IQCH: variants seen among roughly 807,000 people sequenced by gnomAD.
IQCH encodes IQ domain-containing protein H.
Under a neutral mutation model 117.0 loss-of-function variants are expected in IQCH, and 98 were observed. That is an observed-to-expected ratio of 0.84 (90% CI 0.71 to 0.99). The LOEUF (loss-of-function observed/expected upper bound fraction) is 0.99. Ranked by LOEUF, IQCH falls within the 50% of genes least tolerant of loss-of-function variation. The probability of loss-of-function intolerance (pLI) is 0.00; values close to 1 mark genes in which losing one functional copy is unlikely to be tolerated. For missense variants in IQCH, 1,102 were observed against 1,243.8 expected, an observed-to-expected ratio of 0.89 and a Z score of 1.72; for synonymous variants, 412 against 448.2, an observed-to-expected ratio of 0.92 and a Z score of 1.02.
At chr15:67,316,412 C>A (rs1047568605) in intron 4 of IQCH, among the ~76,000 whole-genome samples, 1 of 152,164 alleles carries the variant, frequency 6.6e-6, no homozygotes, top group Non-Finnish European at 1.5e-5. Context: ...GGAATTATGT[C>A]ATCTAATTTA....
intron 16 of IQCH, among the ~76,000 whole-genome samples, chr15:67,451,366 T>C (rs1056055336): frequency 6.6e-6 from 1 of 152,110 alleles, no homozygotes; most frequent in Non-Finnish European, 1.5e-5. Context: ...CATTTAGTGC[T>C]ATAAATTTCC....
chr15:67,480,683 G>A (rs796070700), intron 18 of IQCH, among the ~76,000 whole-genome samples: 10 of 152,104 alleles, frequency 6.6e-5, no homozygotes, highest in Admixed American at 2.6e-4. Context: ...AACTATTAAC[G>A]GAAAGCAGAA....
rs1971953165 is a variant in IQCH at position 67,407,449 on chromosome 15, C to G, written c.2097+7144C>G. 6.6e-6 allele frequency: 1 copy of G among 152,142 alleles called. No homozygotes were observed. Among genetic ancestry groups the G allele is most frequent in the Admixed American group, 6.5e-5 (1 of 15,276 alleles). 9.4% of individuals were successfully genotyped at this position (152,142 alleles called of 1,614,324 possible). ...CAGTTCAGTGGTTATTTTCATGAAGCTGCCAGGGTTGAGTTTGAGGTGTTT... is the reference window on the plus strand; with the variant it reads ...CAGTTCAGTGGTTATTTTCATGAAGGTGCCAGGGTTGAGTTTGAGGTGTTT... On this transcript the variant is annotated intron_variant, in intron 14 of 20. Transcript: ENST00000335894. The surrounding 1 kb of genome is among the most constrained non-coding windows in gnomAD (Gnocchi z 5.3).
chr15:67,278,678 C>A lies in IQCH; in HGVS notation c.270-717C>A, dbSNP rs1349128181. ...ACATGTTGGAGTGAAACTAGAACTC[C>A]GTAAGTTGCTTTTTAATGATAATTT... On this transcript the variant is annotated intron_variant, in intron 3 of 20. Transcript: ENST00000335894. 2.6e-5 allele frequency among the ~76,000 whole-genome samples: 4 copies of A among 152,228 alleles called. No homozygotes were observed. In the East Asian group the frequency reaches 7.7e-4, roughly 29 times the overall value.
rs1369139709 is a variant in IQCH at position 67,359,811 on chromosome 15, G to C, written c.715-36G>C. On this transcript the variant is annotated intron_variant, in intron 7 of 20. Coordinates refer to ENST00000335894, the MANE Select transcript of IQCH (RefSeq NM_001031715.3). This position sits in a 1 kb window ranked among gnomAD's most constrained non-coding sequence, Gnocchi z 4.5. Reference sequence around the variant, plus strand: ...TTTTGTAAAATTGCCCATGAGAGTCGTTTTGATTTAAACTGTGTCTCATTC... The same window carrying C: ...TTTTGTAAAATTGCCCATGAGAGTCCTTTTGATTTAAACTGTGTCTCATTC... The C allele has an allele frequency of 3.8e-6, 6 of 1,576,568 alleles. No individual in the cohort carries two copies. The highest frequency in any genetic ancestry group is 5.2e-6 in the Non-Finnish European group (6 of 1,145,872).
At chr15:67,410,859 C>G (rs759122615) in intron 14 of IQCH, among the ~76,000 whole-genome samples, 2 of 152,208 alleles carry the variant, frequency 1.3e-5, no homozygotes, top group Non-Finnish European at 2.9e-5. Context: ...AGACTGAGCA[C>G]TTGTGCCTTG....
chr15:67,284,521 G>A (rs745703422), intron 4 of IQCH, among the ~76,000 whole-genome samples: 1 of 152,100 alleles, frequency 6.6e-6, no homozygotes, highest in Non-Finnish European at 1.5e-5. Context: ...AGGTAAACTT[G>A]TGTCATGGGG....
chr15:67,382,141 T>C (rs536282944), intron 10 of IQCH, among the ~76,000 whole-genome samples: 1 of 152,056 alleles, frequency 6.6e-6, no homozygotes, highest in African/African-American at 2.4e-5. Flanking sequence ...GACAACAAAG[T>C]AAACAACCAA....
chr15:67,290,724 T>C (rs2140501531), intron 4 of IQCH, among the ~76,000 whole-genome samples: 1 of 151,622 alleles, frequency 6.6e-6, no homozygotes, highest in Non-Finnish European at 1.5e-5. Context: ...TTGAAGGCAA[T>C]TAAATTGTGA....
At chr15:67,485,288 A>G (rs2083444410) in intron 18 of IQCH, among the ~76,000 whole-genome samples, 2 of 152,204 alleles carry the variant, frequency 1.3e-5, no homozygotes, top group South Asian at 2.1e-4. Context: ...AAAATAAATA[A>G]TTTAATATAT....
intron 16 of IQCH, among the ~76,000 whole-genome samples, chr15:67,435,365 A>G (rs4459497): frequency 0.99 from 150,919 of 152,160 alleles, 74,851 homozygotes; most frequent in Middle Eastern, 1. Flanking sequence ...TGGGCAGATC[A>G]CTTTAGGCCA....
In IQCH at chr15:67,475,353, C is replaced by T. The variant is rs1333825043; in HGVS notation, c.2677-343C>T. Among the ~76,000 whole-genome samples the T allele has an allele frequency of 6.6e-6, 1 of 152,118 alleles. No homozygotes were observed. Among genetic ancestry groups the T allele is most frequent in the African/African-American group, 2.4e-5 (1 of 41,422 alleles). ...GTTAACCAGGTGTGGTGGCATGCAC[C>T]TGTAGTCCCAGCTACTTGGGAGGCT... On this transcript the variant is annotated intron_variant, in intron 17 of 20. Coordinates refer to ENST00000335894, the MANE Select transcript of IQCH (RefSeq NM_001031715.3). This position sits in a 1 kb window ranked among gnomAD's most constrained non-coding sequence, Gnocchi z 5.7.
chr15:67,459,850 A>G lies in IQCH; in HGVS notation c.2506-5277A>G, dbSNP rs1473732953. 2 of 152,202 alleles carry G rather than the reference A, an allele frequency of 1.3e-5. No individual in the cohort carries two copies. The highest frequency in any genetic ancestry group is 4.8e-5 in the African/African-American group (2 of 41,448). The allele number at this position is 152,202 out of a possible 1,614,324, so 9.4% of individuals were successfully genotyped here. ...CAATGCACTTCTTTACAACCAATCCAATAGAAATAGAATTCAGCCAGGCAT... is the reference window on the plus strand; with the variant it reads ...CAATGCACTTCTTTACAACCAATCCGATAGAAATAGAATTCAGCCAGGCAT... On this transcript the variant is annotated intron_variant, in intron 16 of 20. Transcript: ENST00000335894. This position sits in a 1 kb window ranked among gnomAD's most constrained non-coding sequence, Gnocchi z 4.2.
intron 4 of IQCH, among the ~76,000 whole-genome samples, chr15:67,280,042 A>G (rs551340823): frequency 2.0e-5 from 3 of 152,156 alleles, no homozygotes; most frequent in African/African-American, 4.8e-5. Context: ...ATTTTATGGT[A>G]TATTAATTAC....
intron 4 of IQCH, among the ~76,000 whole-genome samples, chr15:67,295,696 G>T (rs1253942562): frequency 6.6e-6 from 1 of 152,068 alleles, no homozygotes; most frequent in Non-Finnish European, 1.5e-5. Context: ...TCTAGTTTTT[G>T]GTCACATATA....
intron 4 of IQCH, among the ~76,000 whole-genome samples, chr15:67,310,151 G>C (rs952869620): frequency 6.6e-6 from 1 of 151,754 alleles, no homozygotes; most frequent in Non-Finnish European, 1.5e-5. Flanking sequence ...GTTTCAGAGG[G>C]GTTCTAAGCA....
intron 6 of IQCH, among the ~76,000 whole-genome samples, chr15:67,353,364 T>A (rs1465671835): frequency 6.6e-4 from 11 of 16,682 alleles, no homozygotes; most frequent in African/African-American, 1.3e-3. Context: ...ATTTATTTAT[T>A]TTTTTTTTTT....
rs577022236 is a variant in IQCH at position 67,498,463 on chromosome 15, A to T, written c.2971-2170A>T. Among the ~76,000 whole-genome samples, 10 of 152,146 alleles carry T rather than the reference A, an allele frequency of 6.6e-5. No individual in the cohort carries two copies. In the South Asian group the frequency reaches 1.9e-3, roughly 28 times the overall value. ...AAAACCCCGTCTTTACTAAAAATAT[A>T]AAAATTACCCAGGCATGTGGCATGC... On this transcript the variant is annotated intron_variant, in intron 20 of 20. Coordinates refer to ENST00000335894, the MANE Select transcript of IQCH (RefSeq NM_001031715.3).
intron 14 of IQCH, among the ~76,000 whole-genome samples, chr15:67,402,448 A>C (rs1361308611): frequency 1.3e-5 from 2 of 152,146 alleles, no homozygotes; most frequent in Admixed American, 1.3e-4. Context: ...AGCTATTGAG[A>C]ATTTAGGATT....
Sources: allele counts gnomAD v4.1 joint callset (sites outside exome capture counted in the v4.1 genomes callset), GRCh38; gene constraint gnomAD v4.1.1; non-coding constraint Gnocchi (gnomAD v3.1); transcripts MANE v1.5; gene names NCBI Gene and HGNC (gene_info 2026-07-23, HGNC 2026-07-21).